Variants in CASP6 observed in about 807,000 individuals in gnomAD.
CASP6 encodes caspase-6.
In CASP6, 20 loss-of-function variants were observed where a neutral mutation model predicts 31.8. That is an observed-to-expected ratio of 0.63 (90% CI 0.44 to 0.91). The LOEUF (loss-of-function observed/expected upper bound fraction) is 0.91. Among genes scored for constraint, CASP6 ranks in the 40% least tolerant of loss-of-function variants. The probability of loss-of-function intolerance (pLI) is 0.00; values close to 1 mark genes in which losing one functional copy is unlikely to be tolerated. For synonymous variants in CASP6, 130 were observed against 127.8 expected (o/e 1.02, Z -0.12); for missense variants, 328 against 361.1 (o/e 0.91, Z 0.74).
chr4:109,705,823 TTTTTTA>T (rs1730581742), upstream of CASP6, among the ~76,000 whole-genome samples: 1 of 149,408 alleles, frequency 6.7e-6, no homozygotes, highest in Non-Finnish European at 1.5e-5. Context: ...ATTTTTTTTT[TTTTTTA>T]ATTAGCCAAG....
the CASP6 span, among the ~76,000 whole-genome samples, chr4:109,709,091 T>C: frequency 6.6e-6 from 1 of 152,234 alleles, no homozygotes; most frequent in Non-Finnish European, 1.5e-5. Context: ...CAAACTCCTA[T>C]GAAAGTACTG....
chr4:109,696,769 TAACTC>T (rs980148636), intron 3 of CASP6, among the ~76,000 whole-genome samples: 9 of 149,212 alleles, frequency 6.0e-5, no homozygotes, highest in Middle Eastern at 3.5e-3. Flanking sequence ...GTAAGGAAAA[TAACTC>T]AGGCAAGTTT....
intron 1 of CASP6, among the ~76,000 whole-genome samples, chr4:109,700,601 T>G (rs184011400): frequency 3.3e-5 from 5 of 152,132 alleles, no homozygotes; most frequent in African/African-American, 1.2e-4. Flanking sequence ...TTAAGTTTTT[T>G]GTTGTTGTTG....
the CASP6 span, among the ~76,000 whole-genome samples, chr4:109,675,573 G>T: frequency 6.6e-6 from 1 of 152,160 alleles, no homozygotes; most frequent in South Asian, 2.1e-4. Context: ...CTGGTGATAG[G>T]TCAATAAGCC....
At chr4:109,703,206 A>G in intron 1 of CASP6, 150 bp downstream of exon 1, 1 of 864,734 alleles carries the variant, frequency 1.2e-6, no homozygotes, top group Non-Finnish European at 1.8e-6. Context: ...GCTTCAATCC[A>G]AGAGTGCAAC....
chr4:109,669,822 C>T, the CASP6 span, among the ~76,000 whole-genome samples: 7 of 152,042 alleles, frequency 4.6e-5, no homozygotes, highest in African/African-American at 1.7e-4. Flanking sequence ...CATTAAAGGC[C>T]TTCTTCCTTT....
At chr4:109,704,487 A>G (rs1471379859), upstream of CASP6, among the ~76,000 whole-genome samples, 2 of 152,244 alleles carry the variant, frequency 1.3e-5, no homozygotes, top group Non-Finnish European at 2.9e-5. Context: ...GCCAAAGCCT[A>G]ATCCAGAGCA....
At chr4:109,706,915 C>CA (rs1561267224), upstream of CASP6, among the ~76,000 whole-genome samples, 1 of 151,808 alleles carries the variant, frequency 6.6e-6, no homozygotes, top group African/African-American at 2.4e-5. Context: ...TCAAAACAAA[C>CA]AAAAAAATGA....
chr4:109,693,102 C>G lies in CASP6; in HGVS notation c.483+1423G>C, dbSNP rs1385538553. On this transcript the variant is annotated intron_variant, in intron 5 of 6. Transcript: ENST00000265164. ...TTACTTAAGAGAGTCTGGGACCTCT[C>G]CCTTGGCACTCTCTTGCTCCCACTC... Among the ~76,000 whole-genome samples the G allele has an allele frequency of 2.0e-5, 3 of 152,226 alleles. No homozygotes were observed. The East Asian group carries it at 5.8e-4, about 29-fold the overall frequency.
chr4:109,682,837 G>A, the CASP6 span: 6 of 938,848 alleles, frequency 6.4e-6, no homozygotes, highest in South Asian at 1.1e-4. Context: ...CTTTCCATAT[G>A]CTAATTTTCT....
the CASP6 span, among the ~76,000 whole-genome samples, chr4:109,667,033 T>C: frequency 2.4e-4 from 37 of 152,286 alleles, no homozygotes; most frequent in African/African-American, 8.7e-4. Flanking sequence ...ACGAGAGATA[T>C]TGGTCTGTGG....
chr4:109,707,620 G>T (rs1036044073), upstream of CASP6, among the ~76,000 whole-genome samples: 2 of 151,914 alleles, frequency 1.3e-5, no homozygotes, highest in Non-Finnish European at 2.9e-5. Context: ...TCCCGACCTG[G>T]TATCTGCCCA....
chr4:109,685,535 C>G (rs1729821034), downstream of CASP6, among the ~76,000 whole-genome samples: 1 of 152,092 alleles, frequency 6.6e-6, no homozygotes, highest in Admixed American at 6.5e-5. Flanking sequence ...AATTTCATAT[C>G]CCAGTTTTAC....
rs1402479118 is a variant in CASP6, at chr4:109,694,515, T to C, written c.483+10A>G. On this transcript the variant is annotated intron_variant, in intron 5 of 6. Transcript: ENST00000265164. ...CTTTATAATTAAGATGATAATGTAC[T>C]CAGTCTTACCTGAATGATAAATATC... is the stretch of plus-strand genomic sequence containing the variant. The C allele has an allele frequency of 1.9e-6, 3 of 1,566,728 alleles. No individual in the cohort carries two copies. The African/African-American group carries it at 4.1e-5, about 21-fold the overall frequency.
At chr4:109,696,854 T>C (rs1385525658) in intron 3 of CASP6, among the ~76,000 whole-genome samples, 5 of 150,618 alleles carry the variant, frequency 3.3e-5, no homozygotes, top group Non-Finnish European at 7.4e-5. Context: ...GGCTTGATCT[T>C]GGCTCACTGC....
At chr4:109,664,423 T>C in the CASP6 span, 1 of 148,030 alleles carries the variant, frequency 6.8e-6, no homozygotes, top group Non-Finnish European at 1.1e-5. Context: ...CAACTATTAC[T>C]TTTTTTTTTT....
chr4:109,695,016 A>G (rs1730193392), intron 4 of CASP6, among the ~76,000 whole-genome samples: 2 of 152,124 alleles, frequency 1.3e-5, no homozygotes, highest in Admixed American at 1.3e-4. Flanking sequence ...TTTTTAGTAG[A>G]GACGGGGTTT....
At chr4:109,699,088 G>A (rs771368422) in intron 1 of CASP6, among the ~76,000 whole-genome samples, 1 of 152,174 alleles carries the variant, frequency 6.6e-6, no homozygotes, top group Admixed American at 6.5e-5. Flanking sequence ...TGAGGAACTC[G>A]ATTTTATTGT....
downstream of CASP6, chr4:109,685,403 G>T: frequency 1.1e-6 from 1 of 901,058 alleles, no homozygotes; most frequent in South Asian, 1.4e-5. Flanking sequence ...TGGTTTGTTT[G>T]GGAGCCAGAA....
Sources: allele counts gnomAD v4.1 joint callset (sites outside exome capture counted in the v4.1 genomes callset), GRCh38; gene constraint gnomAD v4.1.1; transcripts MANE v1.5; gene names NCBI Gene and HGNC (gene_info 2026-07-23, HGNC 2026-07-21).